The following HTR2A variants were observed in gnomAD, a reference collection of about 807,000 sequenced individuals.
HTR2A encodes 5-HT2 receptor.
A neutral mutation model predicts 31.0 loss-of-function variants in HTR2A; 14 were observed. The observed-to-expected ratio is 0.45, with a 90% CI of 0.30 to 0.71. HTR2A has a LOEUF of 0.71. Among genes scored for constraint, HTR2A ranks in the 30% least tolerant of loss-of-function variants. The pLI is 0.09. For missense variants in HTR2A, 442 were observed against 573.3 expected (o/e 0.77, Z 2.34); for synonymous variants, 209 against 225.2 (o/e 0.93, Z 0.64).
intron 3 of HTR2A, among the ~76,000 whole-genome samples, chr13:46,849,457 C>T (rs7330636): frequency 0.41 from 62,221 of 151,960 alleles, 13,997 homozygotes; most frequent in African/African-American, 0.58. Context: ...ATCCAAACTC[C>T]TTACTTTGGC....
chr13:46,866,893 G>A (rs1222773925), intron 3 of HTR2A, among the ~76,000 whole-genome samples: 1 of 152,214 alleles, frequency 6.6e-6, no homozygotes, highest in East Asian at 1.9e-4. Flanking sequence ...TGGGTGTGGT[G>A]GTGGGCGCCT....
chr13:46,881,012 A>G (rs927087168), intron 3 of HTR2A, among the ~76,000 whole-genome samples: 9 of 152,340 alleles, frequency 5.9e-5, no homozygotes, highest in African/African-American at 2.2e-4. Context: ...GAGAGAAGTC[A>G]GCTGCCACTC....
chr13:46,839,535 C>T (rs1950583307), intron 3 of HTR2A, among the ~76,000 whole-genome samples: 1 of 152,086 alleles, frequency 6.6e-6, no homozygotes, highest in African/African-American at 2.4e-5. Flanking sequence ...CTTTTGGAGA[C>T]CTGACATCTC....
intron 3 of HTR2A, among the ~76,000 whole-genome samples, chr13:46,843,459 G>A (rs1950615667): frequency 1.3e-5 from 2 of 152,130 alleles, no homozygotes; most frequent in African/African-American, 4.8e-5. Flanking sequence ...ATAATACCCT[G>A]GAGGGTTGAC....
chr13:46,887,243 C>A (rs1273353306), intron 3 of HTR2A, among the ~76,000 whole-genome samples: 1 of 151,830 alleles, frequency 6.6e-6, no homozygotes, highest in Non-Finnish European at 1.5e-5. Context: ...CATGGTGAAA[C>A]CCCATCTCTA....
intron 3 of HTR2A, among the ~76,000 whole-genome samples, chr13:46,846,381 A>C (rs1289539838): frequency 6.6e-6 from 1 of 152,186 alleles, no homozygotes; most frequent in African/African-American, 2.4e-5. Context: ...TTCATTAAAA[A>C]TCTCTGCTGT....
At chr13:46,846,209 A>G (rs1950641949) in intron 3 of HTR2A, among the ~76,000 whole-genome samples, 1 of 152,210 alleles carries the variant, frequency 6.6e-6, no homozygotes, top group Non-Finnish European at 1.5e-5. Context: ...AATGGGGATT[A>G]ACAGTGTACC....
intron 3 of HTR2A, among the ~76,000 whole-genome samples, chr13:46,843,990 T>C (rs1229595785): frequency 6.6e-6 from 1 of 152,190 alleles, no homozygotes; most frequent in Non-Finnish European, 1.5e-5. Context: ...ACATCCGCTA[T>C]ATGAAACCTT....
At chr13:46,868,471 G>T (rs1015074105) in intron 3 of HTR2A, among the ~76,000 whole-genome samples, 1 of 152,170 alleles carries the variant, frequency 6.6e-6, no homozygotes, top group African/African-American at 2.4e-5. Context: ...TCCAACTCAA[G>T]GAACTGTGTA....
chr13:46,897,786 A>ATGT (rs1398720849), upstream of HTR2A, among the ~76,000 whole-genome samples: 1 of 152,142 alleles, frequency 6.6e-6, no homozygotes, highest in Non-Finnish European at 1.5e-5. Flanking sequence ...TGCCTTCAAT[A>ATGT]TGTTTGTGGC....
intron 3 of HTR2A, 150 bp downstream of exon 3, chr13:46,892,240 A>C: frequency 1.3e-6 from 1 of 772,350 alleles, no homozygotes; most frequent in Non-Finnish European, 2.2e-6. Context: ...CCTGAAGCGA[A>C]TCTGATAATT....
At chr13:46,896,306 C>A in intron 1 of HTR2A, 72 bp from the exon 2 acceptor site, 1 of 864,536 alleles carries the variant, frequency 1.2e-6, no homozygotes, top group Non-Finnish European at 1.4e-6. Context: ...TTGGTTATGC[C>A]GATGGTACTA....
At chr13:46,846,215 G>T (rs1266623237) in intron 3 of HTR2A, among the ~76,000 whole-genome samples, 1 of 152,068 alleles carries the variant, frequency 6.6e-6, no homozygotes, top group African/African-American at 2.4e-5. Context: ...GATTAACAGT[G>T]TACCCTTCAA....
chr13:46,874,203 C>T (rs1950888105), intron 3 of HTR2A, among the ~76,000 whole-genome samples: 2 of 152,168 alleles, frequency 1.3e-5, no homozygotes, highest in Admixed American at 1.3e-4. Flanking sequence ...CTTGCCAAAA[C>T]TATTTCCATG....
At chr13:46,846,950 C>T (rs1776207269) in intron 3 of HTR2A, among the ~76,000 whole-genome samples, 1 of 152,246 alleles carries the variant, frequency 6.6e-6, no homozygotes, top group Non-Finnish European at 1.5e-5. Context: ...AAACCTGACA[C>T]CTCAGCTGTG....
intron 3 of HTR2A, among the ~76,000 whole-genome samples, chr13:46,861,471 A>C (rs1285375201): frequency 1.3e-5 from 2 of 152,200 alleles, no homozygotes; most frequent in South Asian, 2.1e-4. Flanking sequence ...TGGGCAAAGG[A>C]GTAAAGTTGC....
intron 3 of HTR2A, among the ~76,000 whole-genome samples, chr13:46,888,725 A>AT (rs1451720338): frequency 6.6e-6 from 1 of 152,228 alleles, no homozygotes; most frequent in Non-Finnish European, 1.5e-5. Context: ...TAAAAAAGAC[A>AT]TTTAGTAAAT....
intron 3 of HTR2A, among the ~76,000 whole-genome samples, chr13:46,842,611 C>T (rs756016129): frequency 1.2e-4 from 19 of 152,168 alleles, no homozygotes; most frequent in Non-Finnish European, 2.8e-4. Context: ...CCCTAACACT[C>T]GAGCAATTAC....
At chr13:46,889,648 T>C (rs763806252) in intron 3 of HTR2A, among the ~76,000 whole-genome samples, 4 of 152,070 alleles carry the variant, frequency 2.6e-5, no homozygotes, top group Non-Finnish European at 5.9e-5. Flanking sequence ...ATCAATTGAG[T>C]CTAAAAAAAG....
Sources: gnomAD v4.1 joint callset for allele counts (sites outside exome capture counted in the v4.1 genomes callset) on GRCh38, gnomAD v4.1.1 for gene constraint, MANE v1.5 for transcripts, NCBI Gene and HGNC (gene_info 2026-07-23, HGNC 2026-07-21) for gene names.